The following SRPK1 variants were observed in gnomAD, a reference collection of about 807,000 sequenced individuals.
The protein encoded by SRPK1 is SFRS protein kinase 1.
Under a neutral mutation model 89.5 loss-of-function variants are expected in SRPK1, and 52 were observed. That is an observed-to-expected ratio of 0.58 (90% confidence interval 0.46 to 0.73). The LOEUF is 0.73. Ranked by LOEUF, SRPK1 falls within the 30% of genes least tolerant of loss-of-function variation. SRPK1 has a pLI of 0.00. For missense variants in SRPK1, 603 were observed against 780.6 expected, an observed-to-expected ratio of 0.77 and a Z score of 2.71; for synonymous variants, 255 against 270.2, an observed-to-expected ratio of 0.94 and a Z score of 0.55.
intron 2 of SRPK1, among the ~76,000 whole-genome samples, chr6:35,895,420 G>C (rs112464147): frequency 9.4e-5 from 13 of 138,590 alleles, no homozygotes; most frequent in African/African-American, 1.3e-4. Context: ...CAAAAACAAA[G>C]GTTGAGGCAT....
rs1448928159 is a variant in SRPK1, at chr6:35,888,903, T to A, written c.214A>T (p.Ile72Phe). The A allele has an allele frequency of 1.2e-6, 2 of 1,612,344 alleles. No homozygotes were observed. Among genetic ancestry groups the A allele is most frequent in the African/African-American group, 2.7e-5 (2 of 74,872 alleles). Residue 72 changes from isoleucine to phenylalanine, a missense_variant, in exon 4 of 16, where the codon ATT becomes TTT. By Grantham distance (21) the Ile-to-Phe change is conservative. Coordinates refer to ENST00000373825, the MANE Select transcript of SRPK1 (RefSeq NM_003137.5). ...YCKGGYHLVK[I>F]GDLFNGRYHV... ...TATCTCCCATTGAATAGATCTCCAA[T>A]TTTCACAAGATGATAACCTCCTGGA...
chr6:35,906,003 T>C (rs1770839771), intron 2 of SRPK1, among the ~76,000 whole-genome samples: 1 of 152,104 alleles, frequency 6.6e-6, no homozygotes, highest in African/African-American at 2.4e-5. Context: ...CCAAATACCA[T>C]TTCCCACTAA....
chr6:35,883,167 C>T (rs1048037672), intron 6 of SRPK1, among the ~76,000 whole-genome samples: 1 of 152,072 alleles, frequency 6.6e-6, no homozygotes, highest in African/African-American at 2.4e-5. Context: ...GCCTTCAATC[C>T]CAGCACTTTG....
rs1769216677 is a variant in SRPK1, at chr6:35,837,891, A to G, written c.1783+446T>C. ...TGCTTTTTTTTTTTTTTTGTGAGAC[A>G]GAGTTTCACTCTTGTTGCCCAGGCT... On this transcript the variant is annotated intron_variant, in intron 15 of 15. Coordinates refer to ENST00000373825, the MANE Select transcript of SRPK1 (RefSeq NM_003137.5). 2.8e-5 allele frequency among the ~76,000 whole-genome samples: 4 copies of G among 142,434 alleles called. No individual in the cohort carries two copies. In the South Asian group the frequency reaches 8.9e-4, roughly 32 times the overall value. 93.4% of individuals were successfully genotyped at this position (142,434 alleles called of 152,430 possible). A position where few individuals can be genotyped will look rare whatever the true frequency, so the allele number is the denominator to read the frequency against.
Position 35,857,383 on chromosome 6 carries a change from G to A in SRPK1, c.1513-15C>T. 1 of 1,566,678 alleles carries A rather than the reference G, an allele frequency of 6.4e-7. No individual in the cohort carries two copies. The highest frequency in any genetic ancestry group is 8.7e-7 in the Non-Finnish European group (1 of 1,145,706). On this transcript the variant is annotated splice_polypyrimidine_tract_variant and intron_variant, in intron 12 of 15. Transcript: ENST00000373825. ...AAATGTTTGTGCTGAGAAAATGAAG[G>A]AAACAATATTTTAAACTTCATTCTA...
At chr6:35,919,019 A>T (rs1389431728) in intron 2 of SRPK1, among the ~76,000 whole-genome samples, 1 of 152,250 alleles carries the variant, frequency 6.6e-6, no homozygotes, top group Admixed American at 6.5e-5. Flanking sequence ...ACGTTTTAAC[A>T]CATTCTCATC....
rs957091441 is a variant in SRPK1 at position 35,875,727 on chromosome 6, A to C, written c.479-1388T>G. ...ACTATTACTGATTCAGGTAAGAATC[A>C]GTGAATACTAAAACAACTATGTGAA... On this transcript the variant is annotated intron_variant, in intron 6 of 15. Transcript: ENST00000373825. Among the ~76,000 whole-genome samples the C allele has an allele frequency of 2.0e-5, 3 of 152,338 alleles. No individual in the cohort carries two copies. In the East Asian group the frequency reaches 5.8e-4, roughly 29 times the overall value.
At chr6:35,901,865 C>G (rs1433931362) in intron 2 of SRPK1, among the ~76,000 whole-genome samples, 1 of 152,102 alleles carries the variant, frequency 6.6e-6, no homozygotes, top group East Asian at 1.9e-4. Flanking sequence ...GAGACATACT[C>G]ACAAGTAGTC....
At chr6:35,913,643 T>C (rs1367456466) in intron 2 of SRPK1, among the ~76,000 whole-genome samples, 1 of 151,420 alleles carries the variant, frequency 6.6e-6, no homozygotes, top group Non-Finnish European at 1.5e-5. Flanking sequence ...ACTAAAAATA[T>C]AAAAATTAGC....
At chr6:35,893,355 C>T (rs554781062) in intron 2 of SRPK1, among the ~76,000 whole-genome samples, 31 of 151,946 alleles carry the variant, frequency 2.0e-4, no homozygotes, top group African/African-American at 6.0e-4. Context: ...CTTGGTGGTG[C>T]GTGCCTGTAG....
Position 35,832,984 on chromosome 6 carries a change from C to G in SRPK1, c.*2320G>C, listed in dbSNP as rs1171956688. 6.6e-6 allele frequency: 1 copy of G among 152,578 alleles called. No homozygotes were observed. Among genetic ancestry groups the G allele is most frequent in the Non-Finnish European group, 1.5e-5 (1 of 68,026 alleles). 9.5% of individuals were successfully genotyped at this position (152,578 alleles called of 1,614,324 possible). A position where few individuals can be genotyped will look rare whatever the true frequency, so the allele number is the denominator to read the frequency against. On this transcript the variant is annotated 3_prime_UTR_variant, in exon 16 of 16. Coordinates refer to ENST00000373825, the MANE Select transcript of SRPK1 (RefSeq NM_003137.5). ...CAACCAATCTTTTCCTCCTTTTACTCAGGGCAGAGCAATTTGGACAACAAA... is the reference window on the plus strand; with the variant it reads ...CAACCAATCTTTTCCTCCTTTTACTGAGGGCAGAGCAATTTGGACAACAAA...
intron 2 of SRPK1, among the ~76,000 whole-genome samples, chr6:35,913,211 T>C (rs1387038213): frequency 2.0e-5 from 3 of 152,196 alleles, no homozygotes; most frequent in African/African-American, 7.2e-5. Context: ...GAAACACTAA[T>C]GTAAATAAAA....
chr6:35,842,946 T>C (rs979334679), intron 13 of SRPK1, among the ~76,000 whole-genome samples: 2 of 151,890 alleles, frequency 1.3e-5, no homozygotes, highest in Admixed American at 1.3e-4. Flanking sequence ...TGATTCTAAG[T>C]TATTATTCAT....
At chr6:35,837,150 T>C (rs1223895177) in intron 15 of SRPK1, among the ~76,000 whole-genome samples, 2 of 152,314 alleles carry the variant, frequency 1.3e-5, no homozygotes, top group Admixed American at 6.5e-5. Context: ...AGTCAAAAAT[T>C]GGAAGTTTTG....
chr6:35,834,516 AAC>A lies in SRPK1; in HGVS notation c.*786_*787del, dbSNP rs1449238102. On this transcript the variant is annotated 3_prime_UTR_variant, in exon 16 of 16. Coordinates refer to ENST00000373825, the MANE Select transcript of SRPK1 (RefSeq NM_003137.5). Reference sequence around the variant, plus strand: ...CCATGGATACAAAAACAAAAAATAAAACAAAACAACCAACCAAAATAACTCTG... The same window carrying A: ...CCATGGATACAAAAACAAAAAATAAAAAAACAACCAACCAAAATAACTCTG... 3.3e-5 allele frequency: 5 copies of A among 152,084 alleles called. No individual in the cohort carries two copies. The highest frequency in any genetic ancestry group is 1.2e-4 in the African/African-American group (5 of 41,468). 9.4% of individuals were successfully genotyped at this position (152,084 alleles called of 1,614,324 possible). A position where few individuals can be genotyped will look rare whatever the true frequency, so the allele number is the denominator to read the frequency against.
intron 14 of SRPK1, among the ~76,000 whole-genome samples, chr6:35,840,819 C>T (rs529955272): frequency 1.3e-5 from 2 of 152,090 alleles, no homozygotes; most frequent in Non-Finnish European, 2.9e-5. Context: ...AGAACAGCAT[C>T]GGTGGGGCTG....
At chr6:35,883,044 T>C (rs1770329920) in intron 6 of SRPK1, among the ~76,000 whole-genome samples, 1 of 152,154 alleles carries the variant, frequency 6.6e-6, no homozygotes, top group African/African-American at 2.4e-5. Context: ...CCTGACCTCG[T>C]GATCCGCCCG....
intron 6 of SRPK1, among the ~76,000 whole-genome samples, chr6:35,876,085 T>TAAAAAAAAAAAAAAAAAAAAAAAAAAAAA: frequency 1.3e-5 from 1 of 77,646 alleles, no homozygotes; most frequent in Non-Finnish European, 2.4e-5. Flanking sequence ...ATTCTTAAAT[T>TAAAAAAAAAAAAAAAAAAAAAAAAAAAAA]AAAAAAAAAA....
chr6:35,913,004 G>A (rs1296469408), intron 2 of SRPK1, among the ~76,000 whole-genome samples: 1 of 152,194 alleles, frequency 6.6e-6, no homozygotes, highest in African/African-American at 2.4e-5. Flanking sequence ...CTAATCTCAA[G>A]TTCCTGGGCT....
Sources: gnomAD v4.1 joint callset for allele counts (sites outside exome capture counted in the v4.1 genomes callset) on GRCh38, gnomAD v4.1.1 for gene constraint, MANE v1.5 for transcripts, NCBI Gene and HGNC (gene_info 2026-07-23, HGNC 2026-07-21) for gene names.